HIPK1: variants seen among roughly 807,000 people sequenced by gnomAD.
HIPK1 encodes the protein homeodomain interacting protein kinase 1, also known as homeodomain-interacting protein kinase 1.
HIPK1 carries 28 observed loss-of-function variants against 117.1 expected under a neutral mutation model. The observed-to-expected ratio is 0.24, with a 90% CI of 0.18 to 0.33. The LOEUF (loss-of-function observed/expected upper bound fraction) is 0.33, where lower values mean the gene tolerates loss of function less well. Ranked by LOEUF, HIPK1 falls within the 10% of genes least tolerant of loss-of-function variation. The probability of loss-of-function intolerance (pLI) is 1.00; values close to 1 mark genes in which losing one functional copy is unlikely to be tolerated. For missense variants in HIPK1, 1,122 were observed against 1,475.1 expected, an observed-to-expected ratio of 0.76 and a Z score of 3.92; for synonymous variants, 605 against 562.5, an observed-to-expected ratio of 1.08 and a Z score of -1.07.
chr1:113,951,357 G>A, intron 2 of HIPK1: 2 of 862,492 alleles, frequency 2.3e-6, no homozygotes, highest in Non-Finnish European at 2.8e-6. Flanking sequence ...GAGCCAGATT[G>A]CAGGGATTCA....
Position 113,969,697 on chromosome 1 carries a change from C to G in HIPK1, c.2772-259C>G, listed in dbSNP as rs1446960418. Among the ~76,000 whole-genome samples the G allele has an allele frequency of 2.0e-5, 3 of 152,012 alleles. No homozygotes were observed. The East Asian group carries it at 5.8e-4, about 29-fold the overall frequency. On this transcript the variant is annotated intron_variant, in intron 13 of 15. Coordinates refer to ENST00000426820, the MANE Select transcript of HIPK1 (RefSeq NM_198268.3). ...GGCCAAAGCAGGAAGATCACTTGAG[C>G]CCAGGAATTTGAGACCAGCCTGCGA...
chr1:113,965,705 C>G (rs534494448), intron 10 of HIPK1, among the ~76,000 whole-genome samples: 1 of 152,250 alleles, frequency 6.6e-6, no homozygotes, highest in East Asian at 1.9e-4. Flanking sequence ...TGATCTGATA[C>G]CTTATCTGAT....
intron 2 of HIPK1, among the ~76,000 whole-genome samples, chr1:113,942,847 C>G (rs537646468): frequency 6.6e-6 from 1 of 152,002 alleles, no homozygotes; most frequent in Non-Finnish European, 1.5e-5. Flanking sequence ...TTTTAATGGC[C>G]ATACATTAAA....
Position 113,973,131 on chromosome 1 carries a change from C to G in HIPK1, c.3252C>G (p.Phe1084Leu), listed in dbSNP as rs1294273788. Reference sequence around the variant, plus strand: ...CTCTCTCCCAAGCCCCCTACACCTTCCAGCATGGCAGCCCGCTACACTCGA... The same window carrying G: ...CTCTCTCCCAAGCCCCCTACACCTTGCAGCATGGCAGCCCGCTACACTCGA... ...VAPLSQAPYT[F>L]QHGSPLHSTG... The change falls in exon 16 of 16, where the codon TTC (phenylalanine) becomes TTG (leucine). Residue 1084 changes from phenylalanine to leucine, a missense_variant. Physicochemically the swap from Phe to Leu is conservative, Grantham distance 22. Around this residue, in one of 6 missense-constraint regions of HIPK1, gnomAD observed 731 missense variants for 860.4 expected, o/e 0.85. Transcript: ENST00000426820. 1 of 1,596,702 alleles carries G rather than the reference C, an allele frequency of 6.3e-7. No homozygotes were observed. The highest frequency in any genetic ancestry group is 2.2e-5 in the East Asian group (1 of 44,846).
Position 113,941,167 on chromosome 1 carries a change from A to C in HIPK1, c.784A>C (p.Asn262His). The C allele has an allele frequency of 6.2e-7, 1 of 1,614,276 alleles. No individual in the cohort carries two copies. The highest frequency in any genetic ancestry group is 8.5e-7 in the Non-Finnish European group (1 of 1,180,048). ...TTCATACGAGTGCTTTCAGCATAAGAATCACACCTGCCTTGTTTTTGAAAT... is the reference window on the plus strand; with the variant it reads ...TTCATACGAGTGCTTTCAGCATAAGCATCACACCTGCCTTGTTTTTGAAAT... The part of the protein sequence containing the change: ...VRSYECFQHK[N>H]HTCLVFEMLE... The change falls in exon 2 of 16, where the codon AAT becomes CAT. Residue 262 changes from asparagine to histidine, a missense_variant. Coordinates refer to ENST00000426820, the MANE Select transcript of HIPK1 (RefSeq NM_198268.3). The surrounding 1 kb of genome is among the most constrained non-coding windows in gnomAD (Gnocchi z 4.9).
At chr1:113,952,150 G>A (rs1671410276) in intron 2 of HIPK1, among the ~76,000 whole-genome samples, 1 of 151,988 alleles carries the variant, frequency 6.6e-6, no homozygotes, top group South Asian at 2.1e-4. Flanking sequence ...TATTGGCCAA[G>A]CTGGTCTTGA....
chr1:113,949,548 T>C (rs2101257502), intron 2 of HIPK1, among the ~76,000 whole-genome samples: 1 of 152,168 alleles, frequency 6.6e-6, no homozygotes, highest in East Asian at 1.9e-4. Context: ...AATATGTGCC[T>C]CTAGCCACCT....
At chr1:113,951,479 C>T (rs1345567775) in intron 2 of HIPK1, among the ~76,000 whole-genome samples, 3 of 152,058 alleles carry the variant, frequency 2.0e-5, no homozygotes, top group African/African-American at 4.8e-5. Context: ...TAGATGTGTT[C>T]GTATATATAA....
intron 2 of HIPK1, among the ~76,000 whole-genome samples, chr1:113,947,365 GTTAC>G (rs1671053971): frequency 6.6e-6 from 1 of 152,158 alleles, no homozygotes; most frequent in Admixed American, 6.5e-5. Context: ...GAATCACTTT[GTTAC>G]TTACGGAAGG....
intron 11 of HIPK1, 136 bp from the exon 12 acceptor site, chr1:113,967,630 C>T: frequency 2.1e-6 from 1 of 482,322 alleles, no homozygotes; most frequent in Non-Finnish European, 3.6e-6. Context: ...TTATTAATCC[C>T]TTATCAGATG....
At position 113,934,885 on chromosome 1, in the gene HIPK1, A is replaced by C. The variant is rs867391724; in HGVS notation, c.-3+5353A>C. 3.4e-5 allele frequency among the ~76,000 whole-genome samples: 5 copies of C among 145,342 alleles called. No homozygotes were observed. In the Middle Eastern group the frequency reaches 0.011, roughly 309 times the overall value. On this transcript the variant is annotated intron_variant, in intron 1 of 15. Transcript: ENST00000426820. ...TGTGCCTGTAGTCCTAGCTACTTGG[A>C]TGGCTGAAGCAGAGGATTGCTTGAG...
chr1:113,954,999 G>A (rs1441378097), intron 4 of HIPK1, among the ~76,000 whole-genome samples: 1 of 152,202 alleles, frequency 6.6e-6, no homozygotes, highest in African/African-American at 2.4e-5. Flanking sequence ...TCAATCCACA[G>A]CTGATAGAAA....
At chr1:113,943,882 A>G (rs1670809282) in intron 2 of HIPK1, among the ~76,000 whole-genome samples, 1 of 152,156 alleles carries the variant, frequency 6.6e-6, no homozygotes, top group Non-Finnish European at 1.5e-5. Context: ...TGGCACGATC[A>G]TAGTTCACTG....
At chr1:113,956,562 G>A (rs1175966751) in intron 5 of HIPK1, 65 bp from the exon 6 acceptor site, 1 of 1,116,208 alleles carries the variant, frequency 9.0e-7, no homozygotes, top group Non-Finnish European at 1.3e-6. Flanking sequence ...TGGAGGGAAA[G>A]CAGCTATGTA....
intron 1 of HIPK1, chr1:113,932,188 TATATC>T (rs1286834555): frequency 4.6e-5 from 7 of 152,252 alleles, no homozygotes; most frequent in African/African-American, 1.4e-4. Context: ...TTTCATGTGT[TATATC>T]ATTTCAGCAA....
Position 113,969,987 on chromosome 1 carries a change from A to G in HIPK1, c.2803A>G (p.Ser935Gly), listed in dbSNP as rs1193889278. The G allele has an allele frequency of 1.9e-6, 3 of 1,614,032 alleles. No individual in the cohort carries two copies. The highest frequency in any genetic ancestry group is 1.7e-6 in the Non-Finnish European group (2 of 1,179,990). ...SGLKPRSNVI[S>G]YVTVNDSPDS... ...ACTGAAGCCAAGGTCTAATGTCATC[A>G]GTTATGTCACTGTCAATGATTCTCC... is the stretch of plus-strand genomic sequence containing the variant. The change falls in exon 14 of 16, where the codon AGT becomes GGT. Residue 935 changes from serine (S) to glycine (G), a missense_variant. Coordinates refer to ENST00000426820, the MANE Select transcript of HIPK1 (RefSeq NM_198268.3).
intron 2 of HIPK1, among the ~76,000 whole-genome samples, chr1:113,948,748 T>G (rs1671148785): frequency 6.6e-6 from 1 of 152,030 alleles, no homozygotes; most frequent in Non-Finnish European, 1.5e-5. Context: ...TTTTTTTTAA[T>G]TAAATGGGAC....
Position 113,976,891 on chromosome 1 carries a change from A to C in HIPK1, c.*3379A>C, listed in dbSNP as rs1284426779. On this transcript the variant is annotated 3_prime_UTR_variant, in exon 16 of 16. Coordinates refer to ENST00000426820, the MANE Select transcript of HIPK1 (RefSeq NM_198268.3). Reference sequence around the variant, plus strand: ...TGAGAGAAGAAGCGGAGAAGGGTTCAGTGTAGCCACTCTGGGCTCATAGGG... The same window carrying C: ...TGAGAGAAGAAGCGGAGAAGGGTTCCGTGTAGCCACTCTGGGCTCATAGGG... 1 of 152,836 alleles carries C rather than the reference A, an allele frequency of 6.5e-6. No homozygotes were observed. Among genetic ancestry groups the C allele is most frequent in the Non-Finnish European group, 1.5e-5 (1 of 68,072 alleles). 9.5% of individuals were successfully genotyped at this position (152,836 alleles called of 1,614,324 possible).
At chr1:113,950,283 G>T (rs1671262882) in intron 2 of HIPK1, among the ~76,000 whole-genome samples, 1 of 152,088 alleles carries the variant, frequency 6.6e-6, no homozygotes, top group Non-Finnish European at 1.5e-5. Context: ...AGAAACCTGG[G>T]TATTCTGTGA....
Sources: gnomAD v4.1 joint callset for allele counts (sites outside exome capture counted in the v4.1 genomes callset) on GRCh38, gnomAD v4.1.1 for gene constraint, gnomAD v4.1.1 regional missense constraint, Gnocchi (gnomAD v3.1) non-coding constraint, MANE v1.5 for transcripts, NCBI Gene and HGNC (gene_info 2026-07-23, HGNC 2026-07-21) for gene names.